APLF: variants seen among roughly 807,000 people sequenced by gnomAD.
The protein encoded by APLF is aprataxin and PNKP like factor.
APLF carries 61 observed loss-of-function variants against 55.6 expected under a neutral mutation model. That is an observed-to-expected ratio of 1.10 (90% confidence interval 0.89 to 1.36). The LOEUF (loss-of-function observed/expected upper bound fraction) is 1.36. Ranked by LOEUF, APLF falls within the 40% of genes most tolerant of loss-of-function variation. The pLI is 0.00. For missense variants in APLF, 611 were observed against 602.5 expected (o/e 1.01, Z -0.15); for synonymous variants, 207 against 214.8 (o/e 0.96, Z 0.32).
rs1675474933 is a variant in APLF, at chr2:68,467,786, G to C, written c.55G>C (p.Ala19Pro). The C allele has an allele frequency of 8.1e-7, 1 of 1,234,286 alleles. No individual in the cohort carries two copies. Among genetic ancestry groups the C allele is most frequent in the Non-Finnish European group, 1.0e-6 (1 of 988,142 alleles). 76.5% of individuals were successfully genotyped at this position (1,234,286 alleles called of 1,614,324 possible). The change falls in exon 1 of 10, where the codon GCG (alanine) becomes CCG (proline). Residue 19 changes from alanine to proline, a missense_variant. Ala to Pro is a conservative substitution (Grantham distance 27). Coordinates refer to ENST00000303795, the MANE Select transcript of APLF (RefSeq NM_173545.3). Reference sequence around the variant, plus strand: ...GGACGGCGGTCCCCGGGTGGCCCTGGCGCCCGGGGAGACGGTGATCGGCCG... The same window carrying C: ...GGACGGCGGTCCCCGGGTGGCCCTGCCGCCCGGGGAGACGGTGATCGGCCG... ...PRDGGPRVAL[A>P]PGETVIGRGP... is the part of the protein sequence containing the mutation.
chr2:68,469,384 A>G (rs1675547298), intron 1 of APLF, among the ~76,000 whole-genome samples: 2 of 152,218 alleles, frequency 1.3e-5, no homozygotes, highest in Non-Finnish European at 2.9e-5. Context: ...AACAGATTGC[A>G]GACCGTTTCA....
chr2:68,568,876 A>G (rs78905406), intron 9 of APLF, among the ~76,000 whole-genome samples: 25,730 of 152,070 alleles, frequency 0.17, 2,535 homozygotes, highest in Non-Finnish European at 0.23. Flanking sequence ...GTTTAAGGCT[A>G]TAGGTTTAGT....
chr2:68,571,934 G>A (rs576222292), intron 9 of APLF, among the ~76,000 whole-genome samples: 1 of 152,152 alleles, frequency 6.6e-6, no homozygotes, highest in Non-Finnish European at 1.5e-5. Context: ...CTATTATTAT[G>A]TGATATGTAT....
At chr2:68,467,935 G>A (rs1573132379) in intron 1 of APLF, 108 bp downstream of exon 1, 3 of 850,990 alleles carry the variant, frequency 3.5e-6, no homozygotes, top group Non-Finnish European at 3.1e-6. Flanking sequence ...CTGGTCCGCC[G>A]GTCCGGATTT....
At chr2:68,514,357 T>G (rs964316851) in intron 5 of APLF, among the ~76,000 whole-genome samples, 4 of 151,814 alleles carry the variant, frequency 2.6e-5, no homozygotes, top group African/African-American at 9.7e-5. Context: ...CCTAGTGATT[T>G]TCTATTGATA....
At position 68,578,492 on chromosome 2, in the gene APLF, G is replaced by GT. The variant is rs1345153572; in HGVS notation, c.*478dup. ...AAAAATGCAGCCATTACATAATGGC[G>GT]TTTTTTTTCTAGTACCTTAGATGTG... On this transcript the variant is annotated 3_prime_UTR_variant, in exon 10 of 10. Coordinates refer to ENST00000303795, the MANE Select transcript of APLF (RefSeq NM_173545.3). The GT allele has an allele frequency of 2.3e-5, 23 of 986,214 alleles. No homozygotes were observed. The highest frequency in any genetic ancestry group is 1.8e-4 in the Admixed American group (3 of 16,368). The allele number at this position is 986,214 out of a possible 1,614,324, so 61.1% of individuals were successfully genotyped here. A position where few individuals can be genotyped will look rare whatever the true frequency, so the allele number is the denominator to read the frequency against.
At chr2:68,501,794 A>G (rs1676729982) in intron 2 of APLF, among the ~76,000 whole-genome samples, 1 of 152,152 alleles carries the variant, frequency 6.6e-6, no homozygotes, top group Non-Finnish European at 1.5e-5. Flanking sequence ...GTAGAAAGAA[A>G]GCTGTGTTGT....
chr2:68,480,797 C>G (rs1368176327), intron 1 of APLF, among the ~76,000 whole-genome samples: 1 of 152,006 alleles, frequency 6.6e-6, no homozygotes, highest in Non-Finnish European at 1.5e-5. Flanking sequence ...TCTTCTATAC[C>G]TGATTTGTTG....
intron 8 of APLF, chr2:68,563,134 C>T: frequency 1.0e-6 from 1 of 985,186 alleles, no homozygotes; most frequent in Non-Finnish European, 1.2e-6. Flanking sequence ...ACCAACTCAG[C>T]TAGTTTCTTC....
At chr2:68,474,350 G>GA (rs1291375070) in intron 1 of APLF, among the ~76,000 whole-genome samples, 1 of 152,230 alleles carries the variant, frequency 6.6e-6, no homozygotes, top group African/African-American at 2.4e-5. Context: ...GCTTGGGGCT[G>GA]AAAGTCCCAA....
At chr2:68,572,076 A>G (rs560526742) in intron 9 of APLF, among the ~76,000 whole-genome samples, 1 of 151,896 alleles carries the variant, frequency 6.6e-6, no homozygotes, top group Non-Finnish European at 1.5e-5. Context: ...AGTTGAAACT[A>G]AAAGATCCAG....
chr2:68,518,178 A>G (rs1298797210), intron 5 of APLF, among the ~76,000 whole-genome samples: 5 of 123,408 alleles, frequency 4.1e-5, no homozygotes, highest in East Asian at 2.3e-4. Context: ...AATATAATAT[A>G]TTATCAATAT....
chr2:68,519,392 T>C (rs1669823127), intron 5 of APLF, among the ~76,000 whole-genome samples: 1 of 148,926 alleles, frequency 6.7e-6, no homozygotes, highest in Non-Finnish European at 1.5e-5. Flanking sequence ...GAAAATGTAT[T>C]TGAAATGAAA....
chr2:68,543,099 T>G (rs11884722), intron 7 of APLF, among the ~76,000 whole-genome samples: 11,891 of 152,094 alleles, frequency 0.078, 1,340 homozygotes, highest in African/African-American at 0.25. Context: ...AGTAGTTAGA[T>G]TCATAAAAAC....
intron 5 of APLF, among the ~76,000 whole-genome samples, chr2:68,518,914 A>G (rs1669782462): frequency 8.0e-6 from 1 of 125,136 alleles, no homozygotes; most frequent in Admixed American, 8.9e-5. Flanking sequence ...ATAATAAAAT[A>G]ATAATATATC....
intron 2 of APLF, among the ~76,000 whole-genome samples, chr2:68,496,138 G>T (rs113912981): frequency 0.013 from 2,021 of 152,256 alleles, 37 homozygotes; most frequent in African/African-American, 0.045. Flanking sequence ...GTCTTGCTGT[G>T]TCACCCAAGC....
In APLF at chr2:68,577,505, G is replaced by T. The variant is rs374320977; in HGVS notation, c.1334-315G>T. Among the ~76,000 whole-genome samples, 33 of 152,258 alleles carry T rather than the reference G, an allele frequency of 2.2e-4. 1 individual carries two copies. The highest frequency in any genetic ancestry group is 7.7e-4 in the African/African-American group (32 of 41,564). ...GGAAGTATAATCATATCACAGGAAG[G>T]GGCAGTGAATAATTGGGACAAAAAT... is the stretch of plus-strand genomic sequence containing the variant. On this transcript the variant is annotated intron_variant, in intron 9 of 9. Transcript: ENST00000303795.
In APLF at chr2:68,538,016, A is replaced by G; in HGVS notation, c.949A>G (p.Lys317Glu). The G allele has an allele frequency of 6.2e-7, 1 of 1,614,120 alleles. No individual in the cohort carries two copies. Among genetic ancestry groups the G allele is most frequent in the Non-Finnish European group, 8.5e-7 (1 of 1,180,022 alleles). ...AATTGCCACTAAAAGAACACCACAT[A>G]AAGAAGATGAGGCAATGAGCTGTTC... The part of the protein sequence containing the change: ...HKIATKRTPH[K>E]EDEAMSCSEN... The change falls in exon 7 of 10, where the codon AAA (lysine) becomes GAA (glutamate). Residue 317 changes from lysine (K) to glutamate (E), a missense_variant. By Grantham distance (56) the Lys-to-Glu change is moderately conservative (BLOSUM62 1). Coordinates refer to ENST00000303795, the MANE Select transcript of APLF (RefSeq NM_173545.3).
At chr2:68,559,550 A>G (rs1671110733) in intron 8 of APLF, among the ~76,000 whole-genome samples, 1 of 152,162 alleles carries the variant, frequency 6.6e-6, no homozygotes, top group African/African-American at 2.4e-5. Context: ...TGACTCCACC[A>G]TTCACATAGT....
Sources: allele counts gnomAD v4.1 joint callset (sites outside exome capture counted in the v4.1 genomes callset), GRCh38; gene constraint gnomAD v4.1.1; transcripts MANE v1.5; gene names NCBI Gene and HGNC (gene_info 2026-07-23, HGNC 2026-07-21).